Variants in ADRB1 observed in about 807,000 individuals in gnomAD.
ADRB1 encodes the protein beta-1 adrenergic receptor.
For missense variants in ADRB1, 635 were observed against 709.1 expected (o/e 0.90, Z 1.19); for synonymous variants, 365 against 347.2 (o/e 1.05, Z -0.57).
At position 114,045,631 on chromosome 10, in the gene ADRB1, T is replaced by A; in HGVS notation, c.*65T>A. 1 of 1,228,936 alleles carries A rather than the reference T, an allele frequency of 8.1e-7. No homozygotes were observed. The highest frequency in any genetic ancestry group is 1.0e-6 in the Non-Finnish European group (1 of 971,308). 76.1% of individuals were successfully genotyped at this position (1,228,936 alleles called of 1,614,324 possible). A position where few individuals can be genotyped will look rare whatever the true frequency, so the allele number is the denominator to read the frequency against. ...GGGGAACGAGGAGATCTGTGTTTAC[T>A]TAAGACCGATAGCAGGTGAACTCGA... On this transcript the variant is annotated 3_prime_UTR_variant, in exon 1 of 1. Coordinates refer to ENST00000369295, the MANE Select transcript of ADRB1 (RefSeq NM_000684.3).
rs747834556 is a variant in ADRB1 at position 114,045,283 on chromosome 10, G to A, written c.1151G>A (p.Arg384His). Residue 384 changes from arginine (R) to histidine (H), a missense_variant, in exon 1 of 1, where the codon CGC becomes CAC. Transcript: ENST00000369295. ...PIIYCRSPDFRKAFQGLLCCA... is the reference protein window; with the variant it reads ...PIIYCRSPDFHKAFQGLLCCA... ...ATCTACTGCCGCAGCCCCGACTTCC[G>A]CAAGGCCTTCCAGGGACTGCTCTGC... 2 of 1,588,886 alleles carry A rather than the reference G, an allele frequency of 1.3e-6. No individual in the cohort carries two copies. Among genetic ancestry groups the A allele is most frequent in the South Asian group, 2.3e-5 (2 of 88,696 alleles).
rs1440528725 is a variant in ADRB1, at chr10:114,046,286, A to G, written c.*720A>G. On this transcript the variant is annotated 3_prime_UTR_variant, in exon 1 of 1. Coordinates refer to ENST00000369295, the MANE Select transcript of ADRB1 (RefSeq NM_000684.3). ...GAGGGATTTCTACCTCACACTGTGC[A>G]TTTGCACAGCAGATAGAAAGACTTG... 6.0e-6 allele frequency: 1 copy of G among 167,110 alleles called. No homozygotes were observed. Among genetic ancestry groups the G allele is most frequent in the African/African-American group, 2.4e-5 (1 of 41,460 alleles). The allele number at this position is 167,110 out of a possible 1,614,324, so 10.4% of individuals were successfully genotyped here.
In ADRB1 at chr10:114,045,636, A is replaced by T; in HGVS notation, c.*70A>T. 2 of 1,221,642 alleles carry T rather than the reference A, an allele frequency of 1.6e-6. No homozygotes were observed. Among genetic ancestry groups the T allele is most frequent in the South Asian group, 8.1e-5 (2 of 24,568 alleles). 75.7% of individuals were successfully genotyped at this position (1,221,642 alleles called of 1,614,324 possible). On this transcript the variant is annotated 3_prime_UTR_variant, in exon 1 of 1. Transcript: ENST00000369295. Reference sequence around the variant, plus strand: ...ACGAGGAGATCTGTGTTTACTTAAGACCGATAGCAGGTGAACTCGAAGCCC... The same window carrying T: ...ACGAGGAGATCTGTGTTTACTTAAGTCCGATAGCAGGTGAACTCGAAGCCC...
chr10:114,044,492 G>C lies in ADRB1; in HGVS notation c.360G>C (p.Val120=). Residue 120 remains valine (V), a synonymous_variant, in exon 1 of 1, where the codon GTG becomes GTC. Transcript: ENST00000369295. This position sits in a 1 kb window ranked among gnomAD's most constrained non-coding sequence, Gnocchi z 7.8. ...TGCCGTTCGGGGCCACCATCGTGGT[G>C]TGGGGCCGCTGGGAGTACGGCTCCT... ...LVVPFGATIV[V]WGRWEYGSFF... is the part of the protein sequence containing the mutation. 6.2e-7 allele frequency: 1 copy of C among 1,613,670 alleles called. No individual in the cohort carries two copies. Among genetic ancestry groups the C allele is most frequent in the South Asian group, 1.1e-5 (1 of 91,070 alleles).
Position 114,044,894 on chromosome 10 carries a change from G to A in ADRB1, c.762G>A (p.Gln254=), listed in dbSNP as rs777720496. The A allele has an allele frequency of 2.9e-5, 47 of 1,606,492 alleles. No homozygotes were observed. Among genetic ancestry groups the A allele is most frequent in the Non-Finnish European group, 4.0e-5 (47 of 1,175,268 alleles). Residue 254 remains glutamine, a synonymous_variant, in exon 1 of 1, where the codon CAG becomes CAA. Coordinates refer to ENST00000369295, the MANE Select transcript of ADRB1 (RefSeq NM_000684.3). The surrounding 1 kb of genome is among the most constrained non-coding windows in gnomAD (Gnocchi z 7.8). ...YLRVFREAQK[Q]VKKIDSCERR... ...GGGTGTTCCGCGAGGCCCAGAAGCA[G>A]GTGAAGAAGATCGACAGCTGCGAGC...
chr10:114,045,529 C>A lies in ADRB1; in HGVS notation c.1397C>A (p.Pro466Gln). The change falls in exon 1 of 1, where the codon CCG becomes CAG. Residue 466 changes from proline to glutamine, a missense_variant. Physicochemically the swap from Pro to Gln is moderately conservative, Grantham distance 76. Coordinates refer to ENST00000369295, the MANE Select transcript of ADRB1 (RefSeq NM_000684.3). ...AADSDSSLDE[P>Q]CRPGFASESK... ...GACAGCGACTCGAGCCTGGACGAGC[C>A]GTGCCGCCCCGGCTTCGCCTCGGAA... The A allele has an allele frequency of 7.6e-7, 1 of 1,308,386 alleles. No individual in the cohort carries two copies. Among genetic ancestry groups the A allele is most frequent in the Non-Finnish European group, 9.8e-7 (1 of 1,024,918 alleles). The allele number at this position is 1,308,386 out of a possible 1,614,324, so 81.0% of individuals were successfully genotyped here.
Position 114,044,381 on chromosome 10 carries a change from C to T in ADRB1, c.249C>T (p.Ile83=). ...VAGNVLVIVA[I]AKTPRLQTLT... is the part of the protein sequence containing the mutation. ...GCAATGTGCTGGTGATCGTGGCCAT[C>T]GCCAAGACGCCGCGGCTGCAGACGC... The change falls in exon 1 of 1, where the codon ATC becomes ATT. Residue 83 remains isoleucine, a synonymous_variant. Transcript: ENST00000369295. This position sits in a 1 kb window ranked among gnomAD's most constrained non-coding sequence, Gnocchi z 7.8. The T allele has an allele frequency of 6.2e-7, 1 of 1,610,084 alleles. No individual in the cohort carries two copies. Among genetic ancestry groups the T allele is most frequent in the Non-Finnish European group, 8.5e-7 (1 of 1,179,704 alleles).
chr10:114,045,673 C>A lies in ADRB1; in HGVS notation c.*107C>A. ...TGAACTCGAAGCCCACAATCCTCGT[C>A]TGAATCATCCGAGGCAAAGAGAAAA... On this transcript the variant is annotated 3_prime_UTR_variant, in exon 1 of 1. Transcript: ENST00000369295. The A allele has an allele frequency of 9.1e-7, 1 of 1,101,328 alleles. No homozygotes were observed. Among genetic ancestry groups the A allele is most frequent in the Non-Finnish European group, 1.2e-6 (1 of 858,028 alleles). The allele number at this position is 1,101,328 out of a possible 1,614,324, so 68.2% of individuals were successfully genotyped here. A position where few individuals can be genotyped will look rare whatever the true frequency, so the allele number is the denominator to read the frequency against.
rs1847524304 is a variant in ADRB1, at chr10:114,044,093, G to C, written c.-40G>C. The C allele has an allele frequency of 7.2e-6, 9 of 1,242,884 alleles. No homozygotes were observed. The highest frequency in any genetic ancestry group is 8.0e-6 in the Non-Finnish European group (8 of 997,416). The allele number at this position is 1,242,884 out of a possible 1,614,324, so 77.0% of individuals were successfully genotyped here. ...TGGGGTGTTCCCCAACCACGGCCCA[G>C]CCCTGCCACACCCCCCGCCCCCGGC... On this transcript the variant is annotated 5_prime_UTR_variant, in exon 1 of 1. Transcript: ENST00000369295. The surrounding 1 kb of genome is among the most constrained non-coding windows in gnomAD (Gnocchi z 7.8).
chr10:114,045,386 C>G lies in ADRB1; in HGVS notation c.1254C>G (p.Pro418=). ...GCGCCTCGGGCTGTCTGGCCCGGCC[C>G]GGACCCCCGCCATCGCCCGGGGCCG... ...RPRASGCLAR[P]GPPPSPGAAS... is the part of the protein sequence containing the mutation. Residue 418 remains proline (P), a synonymous_variant, in exon 1 of 1, where the codon CCC becomes CCG. Coordinates refer to ENST00000369295, the MANE Select transcript of ADRB1 (RefSeq NM_000684.3). 1 of 1,251,006 alleles carries G rather than the reference C, an allele frequency of 8.0e-7. No homozygotes were observed. Among genetic ancestry groups the G allele is most frequent in the Non-Finnish European group, 1.0e-6 (1 of 996,962 alleles). The allele number at this position is 1,251,006 out of a possible 1,614,324, so 77.5% of individuals were successfully genotyped here. A position where few individuals can be genotyped will look rare whatever the true frequency, so the allele number is the denominator to read the frequency against.
rs1243089070 is a variant in ADRB1, at chr10:114,045,057, C to A, written c.925C>A (p.Arg309=). 1.4e-5 allele frequency: 20 copies of A among 1,382,342 alleles called. No individual in the cohort carries two copies. The highest frequency in any genetic ancestry group is 5.2e-4 in the Middle Eastern group (2 of 3,848). The allele number at this position is 1,382,342 out of a possible 1,614,324, so 85.6% of individuals were successfully genotyped here. A position where few individuals can be genotyped will look rare whatever the true frequency, so the allele number is the denominator to read the frequency against. ...APLANGRAGK[R]RPSRLVALRE... ...GCTGGCCAACGGGCGTGCGGGTAAG[C>A]GGCGGCCCTCGCGCCTCGTGGCCCT... is the stretch of plus-strand genomic sequence containing the variant. The change falls in exon 1 of 1, where the codon CGG becomes AGG. Residue 309 remains arginine, a synonymous_variant. Transcript: ENST00000369295.
rs567353225 is a variant in ADRB1 at position 114,044,722 on chromosome 10, A to G, written c.590A>G (p.His197Arg). The part of the protein sequence containing the change: ...ALVSFLPILM[H>R]WWRAESDEAR... ...GTGTCCTTCCTGCCCATCCTCATGCACTGGTGGCGGGCGGAGAGCGACGAG... is the reference window on the plus strand; with the variant it reads ...GTGTCCTTCCTGCCCATCCTCATGCGCTGGTGGCGGGCGGAGAGCGACGAG... Residue 197 changes from histidine (H) to arginine (R), a missense_variant, in exon 1 of 1, where the codon CAC becomes CGC. His to Arg is a conservative substitution (Grantham distance 29, BLOSUM62 0). Transcript: ENST00000369295. The surrounding 1 kb of genome is among the most constrained non-coding windows in gnomAD (Gnocchi z 7.8). The G allele has an allele frequency of 3.1e-6, 5 of 1,612,590 alleles. No individual in the cohort carries two copies. The highest frequency in any genetic ancestry group is 1.1e-5 in the South Asian group (1 of 91,042).
In ADRB1 at chr10:114,045,893, G is replaced by T. The variant is rs536598478; in HGVS notation, c.*327G>T. ...TTAGATTTTTTTCCCCCACCAGGTG[G>T]TTTTTGACACTCTCTGAGAGGACCG... On this transcript the variant is annotated 3_prime_UTR_variant, in exon 1 of 1. Transcript: ENST00000369295. 1 of 183,890 alleles carries T rather than the reference G, an allele frequency of 5.4e-6. No individual in the cohort carries two copies. 11.4% of individuals were successfully genotyped at this position (183,890 alleles called of 1,614,324 possible).
Position 114,045,450 on chromosome 10 carries a change from C to A in ADRB1, c.1318C>A (p.Pro440Thr). 8.0e-7 allele frequency: 1 copy of A among 1,251,660 alleles called. No individual in the cohort carries two copies. Among genetic ancestry groups the A allele is most frequent in the Non-Finnish European group, 1.0e-6 (1 of 996,560 alleles). The allele number at this position is 1,251,660 out of a possible 1,614,324, so 77.5% of individuals were successfully genotyped here. Residue 440 changes from proline to threonine, a missense_variant, in exon 1 of 1, where the codon CCG (proline) becomes ACG (threonine). Pro to Thr is a conservative substitution (Grantham distance 38). Coordinates refer to ENST00000369295, the MANE Select transcript of ADRB1 (RefSeq NM_000684.3). ...CGACGACGATGTCGTCGGGGCCACG[C>A]CGCCCGCGCGCCTGCTGGAGCCCTG... is the stretch of plus-strand genomic sequence containing the variant. ...DDDDDVVGAT[P>T]PARLLEPWAG...
chr10:114,045,769 GT>G lies in ADRB1; in HGVS notation c.*213del, dbSNP rs35435446. 5.4e-4 allele frequency: 125 copies of G among 231,840 alleles called. No homozygotes were observed. The highest frequency in any genetic ancestry group is 2.8e-3 in the Middle Eastern group (2 of 722). 14.4% of individuals were successfully genotyped at this position (231,840 alleles called of 1,614,324 possible). A position where few individuals can be genotyped will look rare whatever the true frequency, so the allele number is the denominator to read the frequency against. The stretch of plus-strand genomic sequence containing the variant: ...GAGTGGCTTGCTGATGTTCCTTGTT[GT>G]TTTTTTTTTCTTTTCTTTTCTTTCT... On this transcript the variant is annotated 3_prime_UTR_variant, in exon 1 of 1. Coordinates refer to ENST00000369295, the MANE Select transcript of ADRB1 (RefSeq NM_000684.3).
chr10:114,045,043 G>C lies in ADRB1; in HGVS notation c.911G>C (p.Gly304Ala), dbSNP rs751522258. The change falls in exon 1 of 1, where the codon GGG becomes GCG. Residue 304 changes from glycine to alanine, a missense_variant. By Grantham distance (60) the Gly-to-Ala change is moderately conservative. Coordinates refer to ENST00000369295, the MANE Select transcript of ADRB1 (RefSeq NM_000684.3). Reference protein sequence around the residue: ...AAAATAPLANGRAGKRRPSRL... With the variant: ...AAAATAPLANARAGKRRPSRL... ...GCCGCCACCGCCCCGCTGGCCAACG[G>C]GCGTGCGGGTAAGCGGCGGCCCTCG... 101 of 1,297,716 alleles carry C rather than the reference G, an allele frequency of 7.8e-5. No homozygotes were observed. Among genetic ancestry groups the C allele is most frequent in the Middle Eastern group, 2.9e-4 (1 of 3,448 alleles). 80.4% of individuals were successfully genotyped at this position (1,297,716 alleles called of 1,614,324 possible).
In ADRB1 at chr10:114,044,192, ACCGCTCCCCGACGGCGCGGCCACCG is replaced by A; in HGVS notation, c.62_86del (p.Pro21ArgfsTer36). 1 of 1,375,954 alleles carries A rather than the reference ACCGCTCCCCGACGGCGCGGCCACCG, an allele frequency of 7.3e-7. No individual in the cohort carries two copies. Among genetic ancestry groups the A allele is most frequent in the Non-Finnish European group, 9.3e-7 (1 of 1,077,394 alleles). 85.2% of individuals were successfully genotyped at this position (1,375,954 alleles called of 1,614,324 possible). ...AGCCCGGTAACCTGTCGTCGGCCGC[ACCGCTCCCCGACGGCGCGGCCACCG>A]CGGCGCGGCTGCTGGTGCCCGCGTC... On this transcript the variant is annotated frameshift_variant, in exon 1 of 1. Transcript: ENST00000369295. LOFTEE classifies it low-confidence loss of function (END_TRUNC). The surrounding 1 kb of genome is among the most constrained non-coding windows in gnomAD (Gnocchi z 7.8).
Position 114,044,101 on chromosome 10 carries a change from A to T in ADRB1, c.-32A>T. ...TCCCCAACCACGGCCCAGCCCTGCC[A>T]CACCCCCCGCCCCCGGCCTCCGCAG... On this transcript the variant is annotated 5_prime_UTR_variant, in exon 1 of 1. Coordinates refer to ENST00000369295, the MANE Select transcript of ADRB1 (RefSeq NM_000684.3). The surrounding 1 kb of genome is among the most constrained non-coding windows in gnomAD (Gnocchi z 7.8). 1 of 1,246,276 alleles carries T rather than the reference A, an allele frequency of 8.0e-7. No individual in the cohort carries two copies. The highest frequency in any genetic ancestry group is 1.0e-6 in the Non-Finnish European group (1 of 999,934). 77.2% of individuals were successfully genotyped at this position (1,246,276 alleles called of 1,614,324 possible). A position where few individuals can be genotyped will look rare whatever the true frequency, so the allele number is the denominator to read the frequency against.
At position 114,045,772 on chromosome 10, in the gene ADRB1, T is replaced by G. The variant is rs571235765; in HGVS notation, c.*206T>G. ...TGGCTTGCTGATGTTCCTTGTTGTT[T>G]TTTTTTTCTTTTCTTTTCTTTCTTC... On this transcript the variant is annotated 3_prime_UTR_variant, in exon 1 of 1. Coordinates refer to ENST00000369295, the MANE Select transcript of ADRB1 (RefSeq NM_000684.3). The G allele has an allele frequency of 1.9e-3, 747 of 394,136 alleles. 4 individuals carry two copies. The highest frequency in any genetic ancestry group is 0.014 in the African/African-American group (635 of 46,644). 24.4% of individuals were successfully genotyped at this position (394,136 alleles called of 1,614,324 possible).
Sources: gnomAD v4.1 joint callset for allele counts on GRCh38, gnomAD v4.1.1 for gene constraint, Gnocchi (gnomAD v3.1) non-coding constraint, MANE v1.5 for transcripts, NCBI Gene and HGNC (gene_info 2026-07-23, HGNC 2026-07-21) for gene names.